Variants in CDK3 observed in about 807,000 individuals in gnomAD.
CDK3 encodes the protein cyclin dependent kinase 3.
Under a neutral mutation model 30.2 loss-of-function variants are expected in CDK3, and 24 were observed. The observed-to-expected ratio is 0.79, with a 90% CI of 0.57 to 1.12. CDK3 has a LOEUF of 1.12. Ranked by LOEUF, CDK3 falls within the 50% of genes most tolerant of loss-of-function variation. CDK3 has a pLI of 0.00. For missense variants in CDK3, 345 were observed against 376.0 expected (o/e 0.92, Z 0.68); for synonymous variants, 158 against 154.2 (o/e 1.02, Z -0.18).
Position 76,005,163 on chromosome 17 carries a change from T to C in CDK3, c.793-135T>C. On this transcript the variant is annotated intron_variant, in intron 7 of 7. Coordinates refer to ENST00000448471, the MANE Select transcript of CDK3 (RefSeq NM_001258.4). The surrounding 1 kb of genome is among the most constrained non-coding windows in gnomAD (Gnocchi z 4.7). Reference sequence around the variant, plus strand: ...CGGAACTGGCTGGAGAGCTGGGAGGTCATGGCTTCATGCGGTTCTGGGTTT... The same window carrying C: ...CGGAACTGGCTGGAGAGCTGGGAGGCCATGGCTTCATGCGGTTCTGGGTTT... The C allele has an allele frequency of 2.8e-6, 3 of 1,054,342 alleles. No individual in the cohort carries two copies. Among genetic ancestry groups the C allele is most frequent in the Non-Finnish European group, 2.7e-6 (2 of 741,234 alleles). The allele number at this position is 1,054,342 out of a possible 1,614,324, so 65.3% of individuals were successfully genotyped here.
At position 76,001,859 on chromosome 17, in the gene CDK3, C is replaced by G; in HGVS notation, c.117-15C>G. On this transcript the variant is annotated splice_polypyrimidine_tract_variant and intron_variant, in intron 2 of 7. Transcript: ENST00000448471. The surrounding 1 kb of genome is among the most constrained non-coding windows in gnomAD (Gnocchi z 6.2). Reference sequence around the variant, plus strand: ...CCCAAGTCTCTGCCCACGGCTGTGCCCTTGTTTCTTGCAGGGAGATGGAGG... The same window carrying G: ...CCCAAGTCTCTGCCCACGGCTGTGCGCTTGTTTCTTGCAGGGAGATGGAGG... 4 of 1,611,276 alleles carry G rather than the reference C, an allele frequency of 2.5e-6. No homozygotes were observed. The highest frequency in any genetic ancestry group is 3.4e-6 in the Non-Finnish European group (4 of 1,177,900).
At position 76,001,192 on chromosome 17, in the gene CDK3, A is replaced by G. The variant is rs2066255425; in HGVS notation, c.-14-220A>G. On this transcript the variant is annotated intron_variant, in intron 1 of 7. Coordinates refer to ENST00000448471, the MANE Select transcript of CDK3 (RefSeq NM_001258.4). The surrounding 1 kb of genome is among the most constrained non-coding windows in gnomAD (Gnocchi z 6.2). ...TGGGCTGGGTGAAGGGGGCCCCCTGACCCCCTTGGGGTCCGGGCTGGGCTG... is the reference window on the plus strand; with the variant it reads ...TGGGCTGGGTGAAGGGGGCCCCCTGGCCCCCTTGGGGTCCGGGCTGGGCTG... The G allele has an allele frequency of 7.3e-7, 1 of 1,367,850 alleles. No homozygotes were observed. Among genetic ancestry groups the G allele is most frequent in the Non-Finnish European group, 9.4e-7 (1 of 1,061,396 alleles). The allele number at this position is 1,367,850 out of a possible 1,614,324, so 84.7% of individuals were successfully genotyped here. A position where few individuals can be genotyped will look rare whatever the true frequency, so the allele number is the denominator to read the frequency against.
In CDK3 at chr17:76,001,640, C is replaced by A; in HGVS notation, c.116+99C>A. ...CTTTCCTGGAGTCCACGTTTAACTC[C>A]TCTGGGTGCTGCCCAGCAGCCCTTA... On this transcript the variant is annotated intron_variant, in intron 2 of 7. Coordinates refer to ENST00000448471, the MANE Select transcript of CDK3 (RefSeq NM_001258.4). This position sits in a 1 kb window ranked among gnomAD's most constrained non-coding sequence, Gnocchi z 6.2. 1 of 1,068,024 alleles carries A rather than the reference C, an allele frequency of 9.4e-7. No individual in the cohort carries two copies. The highest frequency in any genetic ancestry group is 2.4e-5 in the East Asian group (1 of 41,048). 66.2% of individuals were successfully genotyped at this position (1,068,024 alleles called of 1,614,324 possible).
intron 7 of CDK3, among the ~76,000 whole-genome samples, chr17:76,004,164 G>C (rs984155335): frequency 5.3e-5 from 8 of 150,976 alleles, no homozygotes; most frequent in Non-Finnish European, 1.2e-4. Context: ...CCTCCTGTTG[G>C]TGTCTTGAGC....
chr17:76,001,315 G>T lies in CDK3; in HGVS notation c.-14-97G>T. Reference sequence around the variant, plus strand: ...GGGCCTTGGGAGCTGGGCAGTCTGGGCTGGGCTGGGCTGGGCAGGGCGCCA... The same window carrying T: ...GGGCCTTGGGAGCTGGGCAGTCTGGTCTGGGCTGGGCTGGGCAGGGCGCCA... On this transcript the variant is annotated intron_variant, in intron 1 of 7. Transcript: ENST00000448471. This position sits in a 1 kb window ranked among gnomAD's most constrained non-coding sequence, Gnocchi z 6.2. 6.5e-7 allele frequency: 1 copy of T among 1,549,850 alleles called. No homozygotes were observed. The highest frequency in any genetic ancestry group is 1.4e-5 in the African/African-American group (1 of 73,482).
chr17:76,003,001 T>C, intron 6 of CDK3, 194 bp from the exon 7 acceptor site: 1 of 633,990 alleles, frequency 1.6e-6, no homozygotes, highest in Non-Finnish European at 2.8e-6. Flanking sequence ...CGTCTCTATT[T>C]TTTAAAAAAA....
intron 7 of CDK3, among the ~76,000 whole-genome samples, chr17:76,004,223 T>TTTTTTTTG (rs1555623005): frequency 2.2e-5 from 3 of 139,146 alleles, no homozygotes; most frequent in East Asian, 4.2e-4. Flanking sequence ...CCGTCTGTTT[T>TTTTTTTTG]TTTTTTTTTT....
rs1291180039 is a variant in CDK3 at position 76,001,207 on chromosome 17, G to A, written c.-14-205G>A. On this transcript the variant is annotated intron_variant, in intron 1 of 7. Transcript: ENST00000448471. The surrounding 1 kb of genome is among the most constrained non-coding windows in gnomAD (Gnocchi z 6.2). ...GGGCCCCCTGACCCCCTTGGGGTCC[G>A]GGCTGGGCTGGGTGAGGGGCGGTTT... is the stretch of plus-strand genomic sequence containing the variant. The A allele has an allele frequency of 4.9e-6, 7 of 1,417,496 alleles. No homozygotes were observed. The highest frequency in any genetic ancestry group is 2.5e-5 in the Admixed American group (1 of 40,318). The allele number at this position is 1,417,496 out of a possible 1,614,324, so 87.8% of individuals were successfully genotyped here.
Position 76,001,680 on chromosome 17 carries a change from A to T in CDK3, c.116+139A>T. Reference sequence around the variant, plus strand: ...AGCAGCCCTTACCTGTCCTCTCCCCAGTTCACTGCCTTCTGACCAGCCTTT... The same window carrying T: ...AGCAGCCCTTACCTGTCCTCTCCCCTGTTCACTGCCTTCTGACCAGCCTTT... On this transcript the variant is annotated intron_variant, in intron 2 of 7. Coordinates refer to ENST00000448471, the MANE Select transcript of CDK3 (RefSeq NM_001258.4). The surrounding 1 kb of genome is among the most constrained non-coding windows in gnomAD (Gnocchi z 6.2). The T allele has an allele frequency of 1.1e-6, 1 of 878,918 alleles. No homozygotes were observed. The highest frequency in any genetic ancestry group is 1.7e-6 in the Non-Finnish European group (1 of 572,298). 54.4% of individuals were successfully genotyped at this position (878,918 alleles called of 1,614,324 possible).
rs1027954632 is a variant in CDK3 at position 76,001,614 on chromosome 17, T to C, written c.116+73T>C. 7.6e-7 allele frequency: 1 copy of C among 1,313,098 alleles called. No individual in the cohort carries two copies. The highest frequency in any genetic ancestry group is 1.1e-6 in the Non-Finnish European group (1 of 924,062). 81.3% of individuals were successfully genotyped at this position (1,313,098 alleles called of 1,614,324 possible). ...CCTGGGCGCTCCCTGATCCGTTCCC[T>C]CTTTCCTGGAGTCCACGTTTAACTC... On this transcript the variant is annotated intron_variant, in intron 2 of 7. Transcript: ENST00000448471. The surrounding 1 kb of genome is among the most constrained non-coding windows in gnomAD (Gnocchi z 6.2).
At chr17:76,003,010 A>AG in intron 6 of CDK3, 185 bp from the exon 7 acceptor site, 1 of 650,724 alleles carries the variant, frequency 1.5e-6, no homozygotes, top group East Asian at 2.5e-5. Flanking sequence ...TTTTTAAAAA[A>AG]AGGTGTTTGG....
Position 76,002,712 on chromosome 17 carries a change from G to A in CDK3, c.588+100G>A, listed in dbSNP as rs1249626056. On this transcript the variant is annotated intron_variant, in intron 6 of 7. Transcript: ENST00000448471. This position sits in a 1 kb window ranked among gnomAD's most constrained non-coding sequence, Gnocchi z 4.3. ...GCTCCCATTCGAGGCGGATTAAAGAGTGTTTGGGGCTGGACATGGCTCACG... is the reference window on the plus strand; with the variant it reads ...GCTCCCATTCGAGGCGGATTAAAGAATGTTTGGGGCTGGACATGGCTCACG... 6 of 715,900 alleles carry A rather than the reference G, an allele frequency of 8.4e-6. No individual in the cohort carries two copies. Among genetic ancestry groups the A allele is most frequent in the Non-Finnish European group, 1.5e-5 (6 of 389,346 alleles). The allele number at this position is 715,900 out of a possible 1,614,324, so 44.3% of individuals were successfully genotyped here.
chr17:76,001,921 T>A lies in CDK3; in HGVS notation c.164T>A (p.Leu55His). 1 of 1,613,766 alleles carries A rather than the reference T, an allele frequency of 6.2e-7. No individual in the cohort carries two copies. The highest frequency in any genetic ancestry group is 8.5e-7 in the Non-Finnish European group (1 of 1,179,800). The change falls in exon 3 of 8, where the codon CTC becomes CAC. Residue 55 changes from leucine to histidine, a missense_variant. Coordinates refer to ENST00000448471, the MANE Select transcript of CDK3 (RefSeq NM_001258.4). The surrounding 1 kb of genome is among the most constrained non-coding windows in gnomAD (Gnocchi z 6.2). ...PSTAIREISL[L>H]KELKHPNIVR... ...ACTGCCATCAGGGAGATCTCGCTGC[T>A]CAAGGAACTGAAGCACCCCAACATC...
chr17:76,002,090 A>G lies in CDK3; in HGVS notation c.263A>G (p.Lys88Arg). 3 of 1,613,956 alleles carry G rather than the reference A, an allele frequency of 1.9e-6. No individual in the cohort carries two copies. The highest frequency in any genetic ancestry group is 2.5e-6 in the Non-Finnish European group (3 of 1,179,966). Residue 88 changes from lysine (K) to arginine (R), a missense_variant, in exon 4 of 8, where the codon AAG becomes AGG. Transcript: ENST00000448471. This position sits in a 1 kb window ranked among gnomAD's most constrained non-coding sequence, Gnocchi z 4.3. ...LVFEFLSQDL[K>R]KYMDSTPGSE... The stretch of plus-strand genomic sequence containing the variant: ...TTTGAGTTCCTCAGCCAGGACCTGA[A>G]GAAGTACATGGACTCCACCCCAGGC...
Position 76,001,803 on chromosome 17 carries a change from C to T in CDK3, c.117-71C>T, listed in dbSNP as rs1368664035. On this transcript the variant is annotated intron_variant, in intron 2 of 7. Coordinates refer to ENST00000448471, the MANE Select transcript of CDK3 (RefSeq NM_001258.4). This position sits in a 1 kb window ranked among gnomAD's most constrained non-coding sequence, Gnocchi z 6.2. ...TCATTCTGTGGGGTTAAGGAGAAGC[C>T]GATCCCCCTGGCTGGAAGTGCCCTT... 8.4e-6 allele frequency: 12 copies of T among 1,431,888 alleles called. No individual in the cohort carries two copies. The highest frequency in any genetic ancestry group is 2.2e-4 in the Middle Eastern group (1 of 4,558). 88.7% of individuals were successfully genotyped at this position (1,431,888 alleles called of 1,614,324 possible).
At position 76,005,592 on chromosome 17, in the gene CDK3, C is replaced by T; in HGVS notation, c.*169C>T. On this transcript the variant is annotated 3_prime_UTR_variant, in exon 8 of 8. Transcript: ENST00000448471. This position sits in a 1 kb window ranked among gnomAD's most constrained non-coding sequence, Gnocchi z 4.7. ...GTCCTGCCCGCAGGTTAGCGAGATC[C>T]TGTGTTGTTTTTTGGGTTGGACGGT... 2 of 773,706 alleles carry T rather than the reference C, an allele frequency of 2.6e-6. No individual in the cohort carries two copies. The highest frequency in any genetic ancestry group is 4.0e-6 in the Non-Finnish European group (2 of 505,146). 47.9% of individuals were successfully genotyped at this position (773,706 alleles called of 1,614,324 possible).
intron 7 of CDK3, 31 bp downstream of exon 7, chr17:76,003,429 C>T (rs371529790): frequency 5.6e-5 from 88 of 1,575,836 alleles, no homozygotes; most frequent in Admixed American, 2.4e-4. Flanking sequence ...GCTGCTGCTC[C>T]GACTACAGTT....
rs1652586037 is a variant in CDK3, at chr17:76,003,361, T to C, written c.755T>C (p.Val252Ala). The C allele has an allele frequency of 1.2e-6, 2 of 1,613,902 alleles. No individual in the cohort carries two copies. The highest frequency in any genetic ancestry group is 2.7e-5 in the African/African-American group (2 of 75,066). ...ACCAGGAAGGGACTGGAAGAGATTGTGCCCAATCTGGAGCCAGAGGGCAGG... is the reference window on the plus strand; with the variant it reads ...ACCAGGAAGGGACTGGAAGAGATTGCGCCCAATCTGGAGCCAGAGGGCAGG... ...KWTRKGLEEI[V>A]PNLEPEGRDL... Residue 252 changes from valine (V) to alanine (A), a missense_variant, in exon 7 of 8, where the codon GTG becomes GCG. By Grantham distance (64) the Val-to-Ala change is moderately conservative. Coordinates refer to ENST00000448471, the MANE Select transcript of CDK3 (RefSeq NM_001258.4).
Position 76,002,992 on chromosome 17 carries a change from GTC to G in CDK3, c.589-199_589-198del. The G allele has an allele frequency of 1.6e-6, 1 of 611,630 alleles. No homozygotes were observed. Among genetic ancestry groups the G allele is most frequent in the Non-Finnish European group, 2.9e-6 (1 of 344,344 alleles). 37.9% of individuals were successfully genotyped at this position (611,630 alleles called of 1,614,324 possible). On this transcript the variant is annotated intron_variant, in intron 6 of 7. Transcript: ENST00000448471. The surrounding 1 kb of genome is among the most constrained non-coding windows in gnomAD (Gnocchi z 4.3). ...AGCCTGGGTGACAGAGCAAGACTCC[GTC>G]TCTATTTTTTAAAAAAAGGTGTTTG... is the stretch of plus-strand genomic sequence containing the variant.
Sources: allele counts gnomAD v4.1 joint callset (sites outside exome capture counted in the v4.1 genomes callset), GRCh38; gene constraint gnomAD v4.1.1; non-coding constraint Gnocchi (gnomAD v3.1); transcripts MANE v1.5; gene names NCBI Gene and HGNC (gene_info 2026-07-23, HGNC 2026-07-21).